Variants in BNC2 observed in about 807,000 individuals in gnomAD.
The protein encoded by BNC2 is zinc finger protein basonuclin-2.
A neutral mutation model predicts 76.3 loss-of-function variants in BNC2; 20 were observed. That is an observed-to-expected ratio of 0.26 (90% CI 0.18 to 0.38). The LOEUF (loss-of-function observed/expected upper bound fraction) is 0.38. Ranked by LOEUF, BNC2 falls within the 10% of genes least tolerant of loss-of-function variation. The pLI is 1.00. For synonymous variants in BNC2, 582 were observed against 514.8 expected, an observed-to-expected ratio of 1.13 and a Z score of -1.77; for missense variants, 1,382 against 1,399.8, an observed-to-expected ratio of 0.99 and a Z score of 0.20.
chr9:16,683,455 C>G (rs1451129645), intron 3 of BNC2, among the ~76,000 whole-genome samples: 2 of 152,172 alleles, frequency 1.3e-5, no homozygotes, highest in African/African-American at 4.8e-5. Context: ...GGCCAAACAG[C>G]AAAACCTCTA....
At chr9:16,481,214 C>T (rs955323789) in intron 5 of BNC2, among the ~76,000 whole-genome samples, 5 of 152,042 alleles carry the variant, frequency 3.3e-5, no homozygotes, top group African/African-American at 9.7e-5. Flanking sequence ...CACCAATCAG[C>T]GCCCTGTCAA....
intron 5 of BNC2, among the ~76,000 whole-genome samples, chr9:16,528,164 G>C (rs1234918904): frequency 6.6e-6 from 1 of 152,076 alleles, no homozygotes; most frequent in Non-Finnish European, 1.5e-5. Flanking sequence ...TTACAATTTT[G>C]AATAATTATT....
At chr9:16,773,238 G>T (rs770722299) in intron 1 of BNC2, among the ~76,000 whole-genome samples, 5 of 152,156 alleles carry the variant, frequency 3.3e-5, no homozygotes, top group African/African-American at 4.8e-5. Context: ...CTGAACTCCA[G>T]ATCATACAGT....
chr9:16,431,239 A>G (rs1476902196), intron 6 of BNC2, among the ~76,000 whole-genome samples: 1 of 152,226 alleles, frequency 6.6e-6, no homozygotes, highest in African/African-American at 2.4e-5. Context: ...AAGAAATATT[A>G]GGAAACAGAA....
chr9:16,424,659 G>GGA (rs201701386), intron 6 of BNC2, among the ~76,000 whole-genome samples: 2 of 152,058 alleles, frequency 1.3e-5, no homozygotes, highest in Admixed American at 6.5e-5. Flanking sequence ...GGGGAGAATG[G>GGA]GAGAGAGAGA....
At chr9:16,762,820 A>G (rs974210685) in intron 1 of BNC2, among the ~76,000 whole-genome samples, 5 of 152,214 alleles carry the variant, frequency 3.3e-5, no homozygotes, top group Admixed American at 6.5e-5. Context: ...ACTGTAATAA[A>G]ATAACAGTAA....
chr9:16,758,109 G>C (rs10962568), intron 1 of BNC2, among the ~76,000 whole-genome samples: 32,683 of 152,046 alleles, frequency 0.21, 4,596 homozygotes, highest in East Asian at 0.76. Flanking sequence ...GTATTTCTCA[G>C]CTTCTATCCG....
chr9:16,557,585 T>A (rs1818875206), intron 4 of BNC2, among the ~76,000 whole-genome samples: 1 of 152,124 alleles, frequency 6.6e-6, no homozygotes, highest in African/African-American at 2.4e-5. Flanking sequence ...GAAGCTGTTC[T>A]AGGTGAAGCT....
intron 1 of BNC2, among the ~76,000 whole-genome samples, chr9:16,752,246 A>G (rs2135290508): frequency 1.3e-5 from 2 of 152,334 alleles, no homozygotes; most frequent in Middle Eastern, 6.8e-3. Flanking sequence ...CTTGAACATA[A>G]TAAACAAACT....
intron 1 of BNC2, among the ~76,000 whole-genome samples, chr9:16,848,319 G>A (rs961195215): frequency 6.6e-6 from 1 of 152,186 alleles, no homozygotes; most frequent in African/African-American, 2.4e-5. Flanking sequence ...TAGTGAAGAG[G>A]AGGTATTGTG....
chr9:16,519,851 T>C (rs1286173315), intron 5 of BNC2, among the ~76,000 whole-genome samples: 2 of 152,130 alleles, frequency 1.3e-5, no homozygotes, highest in Non-Finnish European at 2.9e-5. Flanking sequence ...AAAGACTGTG[T>C]TTGGCCTCCT....
intron 5 of BNC2, among the ~76,000 whole-genome samples, chr9:16,549,734 G>C (rs769645140): frequency 1.3e-5 from 2 of 152,106 alleles, no homozygotes; most frequent in Non-Finnish European, 2.9e-5. Context: ...AGTGGTAACA[G>C]TTTTGGTGTT....
At chr9:16,473,806 G>T (rs1821873378) in intron 5 of BNC2, among the ~76,000 whole-genome samples, 1 of 152,194 alleles carries the variant, frequency 6.6e-6, no homozygotes, top group African/African-American at 2.4e-5. Context: ...CCAGGAGGCG[G>T]AGGTTGCAGT....
At chr9:16,609,336 G>C (rs542543599) in intron 3 of BNC2, among the ~76,000 whole-genome samples, 1 of 152,106 alleles carries the variant, frequency 6.6e-6, no homozygotes, top group Non-Finnish European at 1.5e-5. Flanking sequence ...TCCAATAGAG[G>C]GGGGGAAACC....
intron 5 of BNC2, among the ~76,000 whole-genome samples, chr9:16,516,077 T>C (rs942936105): frequency 3.9e-5 from 6 of 152,196 alleles, no homozygotes; most frequent in Non-Finnish European, 8.8e-5. Flanking sequence ...AAGACAACAC[T>C]GCTTGAGCTG....
chr9:16,707,201 C>T (rs531159922), intron 3 of BNC2, among the ~76,000 whole-genome samples: 9 of 151,370 alleles, frequency 5.9e-5, no homozygotes, highest in Non-Finnish European at 1.2e-4. Context: ...GACTCCGCCC[C>T]CCCGCCAAAA....
rs768028981 is a variant in BNC2 at position 16,808,479 on chromosome 9, CTTTTTTTTTTTTTT to C, written c.3+62153_3+62166del. 5.8e-3 allele frequency among the ~76,000 whole-genome samples: 460 copies of C among 78,738 alleles called. 4 individuals carry two copies. Among genetic ancestry groups the C allele is most frequent in the African/African-American group, 0.023 (437 of 19,406 alleles). The allele number at this position is 78,738 out of a possible 152,430, so 51.7% of individuals were successfully genotyped here. A position where few individuals can be genotyped will look rare whatever the true frequency, so the allele number is the denominator to read the frequency against. ...ATCCTAGTTGTGTGATCTTGGGCAA[CTTTTTTTTTTTTTT>C]TTTTTTTTTTTTTGAGACAGAGTCT... On this transcript the variant is annotated intron_variant, in intron 1 of 6. Coordinates refer to ENST00000380672, the MANE Select transcript of BNC2 (RefSeq NM_017637.6).
intron 3 of BNC2, among the ~76,000 whole-genome samples, chr9:16,689,951 C>T (rs139817456): frequency 6.6e-5 from 10 of 152,154 alleles, no homozygotes; most frequent in Non-Finnish European, 1.2e-4. Context: ...TGAAGATGCA[C>T]GCTAAACACA....
chr9:16,433,627 T>C (rs537991828), intron 6 of BNC2, among the ~76,000 whole-genome samples: 38 of 152,324 alleles, frequency 2.5e-4, no homozygotes, highest in Middle Eastern at 3.4e-3. Context: ...CAACAGTGCC[T>C]CCCTATGTGT....
Sources: gnomAD v4.1 joint callset for allele counts (sites outside exome capture counted in the v4.1 genomes callset) on GRCh38, gnomAD v4.1.1 for gene constraint, MANE v1.5 for transcripts, NCBI Gene and HGNC (gene_info 2026-07-23, HGNC 2026-07-21) for gene names.